CWC27: variants seen among roughly 807,000 people sequenced by gnomAD.
CWC27 encodes the protein CWC27 spliceosome associated cyclophilin.
Under a neutral mutation model 63.6 loss-of-function variants are expected in CWC27, and 47 were observed. The ratio of observed to expected loss-of-function variants is 0.74; its 90% CI spans 0.58 to 0.94. CWC27 has a LOEUF of 0.94. CWC27 is among the 40% of genes least tolerant of loss of function. The probability of loss-of-function intolerance (pLI) is 0.00; values close to 1 mark genes in which losing one functional copy is unlikely to be tolerated. For missense variants in CWC27, 495 were observed against 554.3 expected (o/e 0.89, Z 1.07); for synonymous variants, 175 against 179.8 (o/e 0.97, Z 0.22).
In CWC27 at chr5:64,785,566, TA is replaced by T; in HGVS notation, c.487del (p.Ser163AlafsTer20). On this transcript the variant is annotated frameshift_variant, in exon 5 of 14. Transcript: ENST00000381070. LOFTEE classifies it high-confidence loss of function. ...DDERPHNPHKIKSCEVLFNPF... is the reference protein window; with the variant it reads ...DDERPHNPHKXKSCEVLFNPF... Reference sequence around the variant, plus strand: ...GAAAGACCACATAATCCACACAAAATAAAAAGCTGTGAGGTAGGAGCATGAT... The same window carrying T: ...GAAAGACCACATAATCCACACAAAATAAAAGCTGTGAGGTAGGAGCATGAT... The T allele has an allele frequency of 6.3e-7, 1 of 1,592,006 alleles. No individual in the cohort carries two copies. The highest frequency in any genetic ancestry group is 8.5e-7 in the Non-Finnish European group (1 of 1,170,568).
chr5:64,826,403 T>G (rs1745361985), intron 10 of CWC27, among the ~76,000 whole-genome samples: 1 of 152,224 alleles, frequency 6.6e-6, no homozygotes, highest in Non-Finnish European at 1.5e-5. Flanking sequence ...GACTTGTTTT[T>G]TGTCCCATCA....
At chr5:64,886,361 T>G (rs1747072336) in intron 11 of CWC27, among the ~76,000 whole-genome samples, 1 of 152,154 alleles carries the variant, frequency 6.6e-6, no homozygotes, top group African/African-American at 2.4e-5. Context: ...ATCAGAAATT[T>G]TATTCAATTG....
chr5:64,781,823 C>T, intron 2 of CWC27, 98 bp from the exon 3 acceptor site: 1 of 550,514 alleles, frequency 1.8e-6, no homozygotes, highest in South Asian at 4.3e-5. Context: ...ATTTAACATT[C>T]TGGAAAATAA....
chr5:64,936,953 TATC>T (rs1748367080), intron 11 of CWC27, among the ~76,000 whole-genome samples: 1 of 152,190 alleles, frequency 6.6e-6, no homozygotes, highest in Non-Finnish European at 1.5e-5. Context: ...ATATCCCCTT[TATC>T]ATTTTTTATT....
intron 13 of CWC27, among the ~76,000 whole-genome samples, chr5:64,980,617 T>C (rs994581365): frequency 4.6e-5 from 7 of 152,178 alleles, no homozygotes; most frequent in African/African-American, 1.7e-4. Context: ...ATATACAAGA[T>C]AAAATAATAA....
rs532392556 is a variant in CWC27, at chr5:64,842,593, C to T, written c.938+38207C>T. On this transcript the variant is annotated intron_variant, in intron 10 of 13. Transcript: ENST00000381070. ...CTGAGATTACAGGCGTGAGCCACTG[C>T]TCCCAGCCTATTTTTTTTTTTAATT... 4.1e-4 allele frequency among the ~76,000 whole-genome samples: 58 copies of T among 142,728 alleles called. 1 individual carries two copies. The highest frequency in any genetic ancestry group is 2.2e-3 in the Admixed American group (32 of 14,256). The allele number at this position is 142,728 out of a possible 152,430, so 93.6% of individuals were successfully genotyped here. A position where few individuals can be genotyped will look rare whatever the true frequency, so the allele number is the denominator to read the frequency against.
chr5:64,803,471 G>C (rs1332123326), intron 9 of CWC27, among the ~76,000 whole-genome samples: 2 of 152,174 alleles, frequency 1.3e-5, no homozygotes, highest in Non-Finnish European at 2.9e-5. Flanking sequence ...TGGTGTATCA[G>C]ATAGGTGATA....
At chr5:64,875,541 T>G (rs975527786) in intron 10 of CWC27, among the ~76,000 whole-genome samples, 1 of 152,158 alleles carries the variant, frequency 6.6e-6, no homozygotes, top group Admixed American at 6.5e-5. Context: ...CGCTTATTCC[T>G]TACCTTTTCA....
chr5:64,950,310 G>GT lies in CWC27; in HGVS notation c.1043-21385dup, dbSNP rs777870598. ...ATCTGTCTAATGTACACATATAAGT[G>GT]TTTTTTTTCCAATCCTTTTCTGCCT... On this transcript the variant is annotated intron_variant, in intron 11 of 13. Transcript: ENST00000381070. Among the ~76,000 whole-genome samples the GT allele has an allele frequency of 5.3e-5, 8 of 150,086 alleles. 1 individual carries two copies. The South Asian group carries it at 1.1e-3, about 20-fold the overall frequency.
At position 65,018,359 on chromosome 5, in the gene CWC27, G is replaced by A; in HGVS notation, c.*38G>A. ...GATAACCAGAACTTGCTGGAAATGTGCCTACAATGGCCTTGTAACAGCCAT... is the reference window on the plus strand; with the variant it reads ...GATAACCAGAACTTGCTGGAAATGTACCTACAATGGCCTTGTAACAGCCAT... On this transcript the variant is annotated 3_prime_UTR_variant, in exon 14 of 14. Transcript: ENST00000381070. 6.6e-7 allele frequency: 1 copy of A among 1,525,772 alleles called. No individual in the cohort carries two copies. 94.5% of individuals were successfully genotyped at this position (1,525,772 alleles called of 1,614,324 possible).
At chr5:64,945,344 T>C (rs954383112) in intron 11 of CWC27, among the ~76,000 whole-genome samples, 1 of 152,158 alleles carries the variant, frequency 6.6e-6, no homozygotes, top group East Asian at 1.9e-4. Context: ...CTAACACCTA[T>C]AACAGTGTTT....
chr5:64,975,910 C>CA (rs1285320404), intron 12 of CWC27, among the ~76,000 whole-genome samples: 5 of 151,226 alleles, frequency 3.3e-5, no homozygotes, highest in East Asian at 1.9e-4. Context: ...GCTAAAAATA[C>CA]AAAAAAAATT....
chr5:64,796,016 T>C (rs1744252714), intron 7 of CWC27, among the ~76,000 whole-genome samples: 1 of 143,028 alleles, frequency 7.0e-6, no homozygotes, highest in African/African-American at 3.0e-5. Flanking sequence ...TGTGTGTGTG[T>C]GTGTGTGTGT....
intron 10 of CWC27, among the ~76,000 whole-genome samples, chr5:64,877,149 T>C (rs1225281953): frequency 6.6e-6 from 1 of 152,008 alleles, no homozygotes; most frequent in African/African-American, 2.4e-5. Context: ...ATAGCCAAGA[T>C]GTGGAGTCGA....
intron 10 of CWC27, among the ~76,000 whole-genome samples, chr5:64,857,463 G>T (rs1158403587): frequency 6.6e-6 from 1 of 152,142 alleles, no homozygotes; most frequent in African/African-American, 2.4e-5. Context: ...AACCTGGAGG[G>T]CATATCGAGT....
intron 4 of CWC27, 98 bp downstream of exon 4, chr5:64,784,077 C>A (rs1743798120): frequency 9.3e-7 from 1 of 1,080,028 alleles, no homozygotes; most frequent in Non-Finnish European, 1.3e-6. Flanking sequence ...CTAAGAGCTA[C>A]CTTTGTAAAA....
At chr5:64,970,321 T>A (rs538327714) in intron 11 of CWC27, among the ~76,000 whole-genome samples, 1 of 151,624 alleles carries the variant, frequency 6.6e-6, no homozygotes, top group South Asian at 2.1e-4. Context: ...CACGCCATTC[T>A]CCTGCCTCAG....
At chr5:64,903,072 T>C (rs747398414) in intron 11 of CWC27, among the ~76,000 whole-genome samples, 7 of 152,220 alleles carry the variant, frequency 4.6e-5, no homozygotes, top group Non-Finnish European at 1.5e-5. Flanking sequence ...TTTACACTGT[T>C]GGTGGGAGTG....
In CWC27 at chr5:64,841,526, T is replaced by C. The variant is rs368838509; in HGVS notation, c.938+37140T>C. On this transcript the variant is annotated intron_variant, in intron 10 of 13. Coordinates refer to ENST00000381070, the MANE Select transcript of CWC27 (RefSeq NM_005869.4). ...AGTTACCAAGCTAGAAATTTGAAAG[T>C]CATCCTGAAGTCTTATTTCTGTAAT... 5.9e-5 allele frequency among the ~76,000 whole-genome samples: 9 copies of C among 152,346 alleles called. 1 individual carries two copies. The South Asian group carries it at 1.0e-3, about 18-fold the overall frequency.
Sources: gnomAD v4.1 joint callset for allele counts (sites outside exome capture counted in the v4.1 genomes callset) on GRCh38, gnomAD v4.1.1 for gene constraint, MANE v1.5 for transcripts, NCBI Gene and HGNC (gene_info 2026-07-23, HGNC 2026-07-21) for gene names.